The following CDH23 variants were observed in gnomAD, a reference collection of about 807,000 sequenced individuals.
CDH23 encodes cadherin related 23, also known as cadherin-23.
A neutral mutation model predicts 317.1 loss-of-function variants in CDH23; 189 were observed. That is an observed-to-expected ratio of 0.60 (90% CI 0.53 to 0.67). The LOEUF (loss-of-function observed/expected upper bound fraction) is 0.67, where lower values mean the gene tolerates loss of function less well. Among genes scored for constraint, CDH23 ranks in the 30% least tolerant of loss-of-function variants. The pLI is 0.00. For synonymous variants in CDH23, 1,839 were observed against 1,876.8 expected (o/e 0.98, Z 0.52); for missense variants, 4,401 against 4,592.4 (o/e 0.96, Z 1.20).
At chr10:71,694,628 G>A (rs1865308838) in intron 21 of CDH23, among the ~76,000 whole-genome samples, 1 of 152,166 alleles carries the variant, frequency 6.6e-6, no homozygotes, top group South Asian at 2.1e-4. Flanking sequence ...GCTCAGAGCA[G>A]GAAGCAGGGC....
chr10:71,605,208 T>C (rs1860460380), intron 9 of CDH23, among the ~76,000 whole-genome samples: 1 of 152,008 alleles, frequency 6.6e-6, no homozygotes, highest in Non-Finnish European at 1.5e-5. Flanking sequence ...TTGTAGAACT[T>C]TGGGGATTAT....
At chr10:71,432,295 T>TGA (rs1258143452) in intron 1 of CDH23, among the ~76,000 whole-genome samples, 43 of 45,002 alleles carry the variant, frequency 9.6e-4, no homozygotes, top group African/African-American at 6.9e-3. Context: ...AGAGTGTGTG[T>TGA]GTGAGTGTGT....
chr10:71,784,727 A>G (rs1380050396), intron 42 of CDH23, among the ~76,000 whole-genome samples, 164 bp from the exon 43 acceptor site: 1 of 151,398 alleles, frequency 6.6e-6, no homozygotes, highest in Non-Finnish European at 1.5e-5. Context: ...TGCCTTTTTA[A>G]TGTTCTTTTT....
At chr10:71,418,875 C>A (rs61446816) in intron 1 of CDH23, among the ~76,000 whole-genome samples, 2,817 of 152,290 alleles carry the variant, frequency 0.018, 91 homozygotes, top group African/African-American at 0.064. Flanking sequence ...TAGTCTCAAT[C>A]TCTTTATCTG....
At chr10:71,462,946 A>C (rs1263025668) in intron 3 of CDH23, among the ~76,000 whole-genome samples, 3 of 152,376 alleles carry the variant, frequency 2.0e-5, no homozygotes, top group Non-Finnish European at 4.4e-5. Context: ...TGGGTCCAAG[A>C]GTGAACAACC....
intron 1 of CDH23, among the ~76,000 whole-genome samples, chr10:71,427,477 T>A (rs1020431077): frequency 1.3e-5 from 2 of 152,286 alleles, no homozygotes. Context: ...GGCGTCAGTC[T>A]CCATTCCTTT....
intron 14 of CDH23, among the ~76,000 whole-genome samples, chr10:71,661,241 C>T (rs1863636355): frequency 6.6e-6 from 1 of 152,160 alleles, no homozygotes; most frequent in African/African-American, 2.4e-5. Context: ...AGCCAACATA[C>T]AAGCTGACCC....
chr10:71,654,366 C>T (rs753744824), intron 14 of CDH23, among the ~76,000 whole-genome samples: 5 of 152,246 alleles, frequency 3.3e-5, no homozygotes, highest in Non-Finnish European at 7.3e-5. Flanking sequence ...TGGCTCTCCA[C>T]GGTTTTCATC....
chr10:71,479,368 G>T (rs879314039), intron 3 of CDH23, among the ~76,000 whole-genome samples: 13 of 152,172 alleles, frequency 8.5e-5, no homozygotes, highest in Non-Finnish European at 1.3e-4. Flanking sequence ...ACACCTTCAG[G>T]AGGTTTTTGT....
At chr10:71,432,945 C>G (rs78907421) in intron 1 of CDH23, among the ~76,000 whole-genome samples, 4,125 of 152,234 alleles carry the variant, frequency 0.027, 194 homozygotes, top group African/African-American at 0.092. Flanking sequence ...ACCTGGGACT[C>G]TGGCCTTCAG....
Position 71,751,268 on chromosome 10 carries a change from G to T in CDH23, c.4845+9347G>T, listed in dbSNP as rs755515368. 1 of 1,610,380 alleles carries T rather than the reference G, an allele frequency of 6.2e-7. No homozygotes were observed. The highest frequency in any genetic ancestry group is 8.5e-7 in the Non-Finnish European group (1 of 1,178,048). ...CCCAGCTGGGCTAGATGACCTCAAA[G>T]TTTGGAGAGTCAGGGACAGGGTCTG... On this transcript the variant is annotated intron_variant, in intron 38 of 69. Coordinates refer to ENST00000224721, the MANE Select transcript of CDH23 (RefSeq NM_022124.6). This position sits in a 1 kb window ranked among gnomAD's most constrained non-coding sequence, Gnocchi z 4.9.
At chr10:71,709,075 A>C (rs1180656369) in intron 26 of CDH23, 23 bp from the exon 27 acceptor site, 1 of 1,609,838 alleles carries the variant, frequency 6.2e-7, no homozygotes, top group African/African-American at 1.3e-5. Context: ...CCCAGCCGGA[A>C]GCTTCCTCTC....
chr10:71,814,713 T>TACACACACACACACACACACAC (rs34475820), intron 69 of CDH23, among the ~76,000 whole-genome samples: 3 of 146,884 alleles, frequency 2.0e-5, no homozygotes, highest in African/African-American at 7.5e-5. Flanking sequence ...AAGAAGCCGA[T>TACACACACACACACACACACAC]ACACACACAC....
intron 45 of CDH23, 38 bp downstream of exon 45, chr10:71,789,080 C>A: frequency 2.0e-6 from 2 of 1,008,964 alleles, no homozygotes; most frequent in South Asian, 1.3e-5. Context: ...CTGCTGTTGC[C>A]AGGCACCACT....
intron 6 of CDH23, among the ~76,000 whole-genome samples, chr10:71,549,650 C>T (rs1856473682): frequency 6.6e-6 from 1 of 152,194 alleles, no homozygotes; most frequent in South Asian, 2.1e-4. Context: ...ACTGGCACTG[C>T]CTGCCCTGAG....
intron 11 of CDH23, among the ~76,000 whole-genome samples, chr10:71,623,255 G>A (rs185352808): frequency 2.0e-5 from 3 of 152,366 alleles, no homozygotes; most frequent in Non-Finnish European, 2.9e-5. Context: ...CTGAGGTTAA[G>A]TGGCATGGAA....
In CDH23 at chr10:71,751,018, A is replaced by G; in HGVS notation, c.4845+9097A>G. 2.0e-6 allele frequency: 1 copy of G among 506,430 alleles called. No homozygotes were observed. The highest frequency in any genetic ancestry group is 2.0e-5 in the African/African-American group (1 of 50,508). 31.4% of individuals were successfully genotyped at this position (506,430 alleles called of 1,614,324 possible). ...TGTAGCTGGTGAATTTCAGGTCTCT[A>G]GGGGAGAATCTCAGCACCCCAAAAT... On this transcript the variant is annotated intron_variant, in intron 38 of 69. Transcript: ENST00000224721. This position sits in a 1 kb window ranked among gnomAD's most constrained non-coding sequence, Gnocchi z 4.9.
chr10:71,699,861 G>A lies in CDH23; in HGVS notation c.2398-2161G>A, dbSNP rs1865520287. 3.3e-5 allele frequency among the ~76,000 whole-genome samples: 5 copies of A among 152,294 alleles called. No homozygotes were observed. In the South Asian group the frequency reaches 1.0e-3, roughly 32 times the overall value. On this transcript the variant is annotated intron_variant, in intron 22 of 69. Coordinates refer to ENST00000224721, the MANE Select transcript of CDH23 (RefSeq NM_022124.6). ...CCAACCTGCCCTGTGACCAGAGAGTGGGTCAAGAGACCCAAAACCATTGCC... is the reference window on the plus strand; with the variant it reads ...CCAACCTGCCCTGTGACCAGAGAGTAGGTCAAGAGACCCAAAACCATTGCC...
In CDH23 at chr10:71,600,609, C is replaced by T. The variant is rs190490060; in HGVS notation, c.833-14895C>T. ...TCAGCTCACTGCAACCTCTGCCTCC[C>T]GGGTTCAAGCGATTCTCCTGCCTCA... On this transcript the variant is annotated intron_variant, in intron 9 of 69. Coordinates refer to ENST00000224721, the MANE Select transcript of CDH23 (RefSeq NM_022124.6). 1.9e-4 allele frequency among the ~76,000 whole-genome samples: 29 copies of T among 151,552 alleles called. No individual in the cohort carries two copies. The East Asian group carries it at 3.5e-3, about 18-fold the overall frequency.
Sources: allele counts gnomAD v4.1 joint callset (sites outside exome capture counted in the v4.1 genomes callset), GRCh38; gene constraint gnomAD v4.1.1; non-coding constraint Gnocchi (gnomAD v3.1); transcripts MANE v1.5; gene names NCBI Gene and HGNC (gene_info 2026-07-23, HGNC 2026-07-21).